INPP5D: variants seen among roughly 807,000 people sequenced by gnomAD.
INPP5D encodes the protein phosphatidylinositol 3,4,5-trisphosphate 5-phosphatase 1.
In INPP5D, 33 loss-of-function variants were observed where a neutral mutation model predicts 122.9. That is an observed-to-expected ratio of 0.27 (90% CI 0.20 to 0.36). The LOEUF is 0.36. Among genes scored for constraint, INPP5D ranks in the 10% least tolerant of loss-of-function variants. The probability of loss-of-function intolerance (pLI) is 1.00; values close to 1 mark genes in which losing one functional copy is unlikely to be tolerated. For synonymous variants in INPP5D, 584 were observed against 576.2 expected (o/e 1.01, Z -0.19); for missense variants, 1,053 against 1,412.7 (o/e 0.75, Z 4.08).
chr2:233,093,842 G>T (rs1467816747), intron 2 of INPP5D, among the ~76,000 whole-genome samples: 1 of 152,236 alleles, frequency 6.6e-6, no homozygotes, highest in East Asian at 1.9e-4. Context: ...CCCACCACTG[G>T]CTCTCTCCTG....
intron 17 of INPP5D, 108 bp downstream of exon 17, chr2:233,171,260 G>A (rs1694488907): frequency 2.1e-6 from 3 of 1,444,326 alleles, no homozygotes; most frequent in Non-Finnish European, 1.8e-6. Flanking sequence ...AAAAAAAAAA[G>A]GAAAGAAAAA....
intron 2 of INPP5D, among the ~76,000 whole-genome samples, chr2:233,118,384 C>T (rs1364314545): frequency 6.6e-6 from 1 of 152,188 alleles, no homozygotes; most frequent in African/African-American, 2.4e-5. Flanking sequence ...TCACCACCCA[C>T]CCGTCTAGAC....
chr2:233,121,121 C>CTTTTTTT (rs369587747), intron 2 of INPP5D, among the ~76,000 whole-genome samples: 5 of 117,640 alleles, frequency 4.3e-5, no homozygotes, highest in South Asian at 2.5e-4. Flanking sequence ...TTCTTTCTTT[C>CTTTTTTT]TTTTTTTTTT....
At chr2:233,132,644 C>T (rs1353749473) in intron 5 of INPP5D, among the ~76,000 whole-genome samples, 3 of 152,170 alleles carry the variant, frequency 2.0e-5, no homozygotes, top group Non-Finnish European at 4.4e-5. Flanking sequence ...TGCCAGAATC[C>T]CTGCAGATTC....
rs1319353805 is a variant in INPP5D, at chr2:233,163,595, T to A, written c.1241-112T>A. On this transcript the variant is annotated intron_variant, in intron 11 of 26. Transcript: ENST00000445964. The stretch of plus-strand genomic sequence containing the variant: ...GCATTTCTTTGGGCTGCCTGGATGG[T>A]CTTGTGTAATGACGTGACCTCCCTC... 3.2e-6 allele frequency: 5 copies of A among 1,556,998 alleles called. No homozygotes were observed. The Admixed American group carries it at 1.1e-4, about 33-fold the overall frequency.
At position 233,126,030 on chromosome 2, in the gene INPP5D, G is replaced by C. The variant is rs191385374; in HGVS notation, c.524+111G>C. The C allele has an allele frequency of 9.8e-5, 103 of 1,054,278 alleles. No homozygotes were observed. In the African/African-American group the frequency reaches 1.5e-3, roughly 15 times the overall value. The allele number at this position is 1,054,278 out of a possible 1,614,324, so 65.3% of individuals were successfully genotyped here. A position where few individuals can be genotyped will look rare whatever the true frequency, so the allele number is the denominator to read the frequency against. On this transcript the variant is annotated intron_variant, in intron 4 of 26. Transcript: ENST00000445964. ...GTTATGGGCCTGGTGACCAGAGGGAGATGGGGAGGTCTCCAGAGAAGAGTG... is the reference window on the plus strand; with the variant it reads ...GTTATGGGCCTGGTGACCAGAGGGACATGGGGAGGTCTCCAGAGAAGAGTG...
rs1425571982 is a variant in INPP5D at position 233,078,405 on chromosome 2, CAAG to C, written c.135-928_135-926del. On this transcript the variant is annotated intron_variant, in intron 1 of 26. Transcript: ENST00000445964. This position sits in a 1 kb window ranked among gnomAD's most constrained non-coding sequence, Gnocchi z 4.6. ...AGGACCTTCTTGTTAGAAACAACCCCAAGACTTGCTCTCCAGCTGCTGGGGCAA... is the reference window on the plus strand; with the variant it reads ...AGGACCTTCTTGTTAGAAACAACCCCACTTGCTCTCCAGCTGCTGGGGCAA... 1.3e-5 allele frequency among the ~76,000 whole-genome samples: 2 copies of C among 152,206 alleles called. No individual in the cohort carries two copies. The highest frequency in any genetic ancestry group is 2.9e-5 in the Non-Finnish European group (2 of 68,034).
Position 233,188,347 on chromosome 2 carries a change from T to C in INPP5D, c.2359-1503T>C, listed in dbSNP as rs1467586175. Among the ~76,000 whole-genome samples the C allele has an allele frequency of 6.6e-6, 1 of 151,990 alleles. No individual in the cohort carries two copies. Among genetic ancestry groups the C allele is most frequent in the African/African-American group, 2.4e-5 (1 of 41,350 alleles). ...CTGCCACCGCCTGCCAGGGTGGTGG[T>C]GTCGCACAGAGACATTTGTTGTTCA... On this transcript the variant is annotated intron_variant, in intron 21 of 26. Transcript: ENST00000445964. This position sits in a 1 kb window ranked among gnomAD's most constrained non-coding sequence, Gnocchi z 4.7.
At chr2:233,096,632 A>G (rs1219583222) in intron 2 of INPP5D, among the ~76,000 whole-genome samples, 2 of 152,178 alleles carry the variant, frequency 1.3e-5, no homozygotes, top group African/African-American at 4.8e-5. Flanking sequence ...AGCCTGGGTG[A>G]CAGAGCGAGA....
At chr2:233,194,596 C>G (rs1264723055) in intron 23 of INPP5D, among the ~76,000 whole-genome samples, 1 of 142,324 alleles carries the variant, frequency 7.0e-6, no homozygotes, top group Non-Finnish European at 1.5e-5. Context: ...TTCTGGGGTT[C>G]AAGTGATTTT....
chr2:233,088,394 G>A (rs1691907574), intron 2 of INPP5D, among the ~76,000 whole-genome samples: 1 of 152,182 alleles, frequency 6.6e-6, no homozygotes, highest in Admixed American at 6.5e-5. Flanking sequence ...TAAAGGCCTT[G>A]CCTTTTGACG....
rs1692283431 is a variant in INPP5D, at chr2:233,100,593, T to C, written c.198+21195T>C. The stretch of plus-strand genomic sequence containing the variant: ...CCCATGGACTCATGGGCACCCCCGG[T>C]TGAGCTCGCTCACCCAGAGCTCTCT... On this transcript the variant is annotated intron_variant, in intron 2 of 26. Coordinates refer to ENST00000445964, the MANE Select transcript of INPP5D (RefSeq NM_001017915.3). The surrounding 1 kb of genome is among the most constrained non-coding windows in gnomAD (Gnocchi z 5.3). 6.6e-6 allele frequency among the ~76,000 whole-genome samples: 1 copy of C among 152,210 alleles called. No individual in the cohort carries two copies. The highest frequency in any genetic ancestry group is 1.5e-5 in the Non-Finnish European group (1 of 68,038).
chr2:233,112,483 T>C (rs1692660019), intron 2 of INPP5D, among the ~76,000 whole-genome samples: 1 of 152,134 alleles, frequency 6.6e-6, no homozygotes, highest in African/African-American at 2.4e-5. Flanking sequence ...TTGGCCTCGA[T>C]TCAAAGGCTG....
At chr2:233,086,827 G>A (rs995579938) in intron 2 of INPP5D, among the ~76,000 whole-genome samples, 1 of 152,184 alleles carries the variant, frequency 6.6e-6, no homozygotes, top group Non-Finnish European at 1.5e-5. Flanking sequence ...TGAATATCGA[G>A]TTTCACTGCA....
chr2:233,167,787 C>T (rs1694384021), intron 13 of INPP5D, among the ~76,000 whole-genome samples: 1 of 151,988 alleles, frequency 6.6e-6, no homozygotes, highest in Non-Finnish European at 1.5e-5. Flanking sequence ...GGCAGATTGC[C>T]AGAGCTCAGT....
chr2:233,110,612 A>T, intron 2 of INPP5D, among the ~76,000 whole-genome samples: 1 of 152,144 alleles, frequency 6.6e-6, no homozygotes, highest in East Asian at 1.9e-4. Context: ...AAACTATTAC[A>T]GTGTTTAGCT....
intron 3 of INPP5D, 75 bp from the exon 4 acceptor site, chr2:233,125,670 C>A (rs770810904): frequency 1.4e-5 from 19 of 1,370,022 alleles, no homozygotes; most frequent in Non-Finnish European, 1.8e-5. Flanking sequence ...GTGGCCTGGA[C>A]CCCATGGGGC....
rs112031050 is a variant in INPP5D at position 233,128,246 on chromosome 2, A to G, written c.525-2262A>G. ...GATGGAGCAGTTTCCTCCCACAACC[A>G]TCCCCCCACCACCCATCCGTGGAAT... On this transcript the variant is annotated intron_variant, in intron 4 of 26. Transcript: ENST00000445964. The surrounding 1 kb of genome is among the most constrained non-coding windows in gnomAD (Gnocchi z 4.5). Among the ~76,000 whole-genome samples, 1 of 151,942 alleles carries G rather than the reference A, an allele frequency of 6.6e-6. No individual in the cohort carries two copies. The highest frequency in any genetic ancestry group is 6.6e-5 in the Admixed American group (1 of 15,242).
In INPP5D at chr2:233,074,322, C is replaced by G. The variant is rs181235673; in HGVS notation, c.135-5013C>G. Among the ~76,000 whole-genome samples the G allele has an allele frequency of 3.5e-3, 540 of 152,236 alleles. 4 individuals are homozygous for G. The highest frequency in any genetic ancestry group is 0.012 in the African/African-American group (497 of 41,534). ...GTCTTGTCTTTGAGTAGCTGTCAGA[C>G]GAGGAATAGCCCGCTGGACCCTCAA... On this transcript the variant is annotated intron_variant, in intron 1 of 26. Transcript: ENST00000445964.
Sources: allele counts gnomAD v4.1 joint callset (sites outside exome capture counted in the v4.1 genomes callset), GRCh38; gene constraint gnomAD v4.1.1; non-coding constraint Gnocchi (gnomAD v3.1); transcripts MANE v1.5; gene names NCBI Gene and HGNC (gene_info 2026-07-23, HGNC 2026-07-21).